TVP23A: variants seen among roughly 807,000 people sequenced by gnomAD.
TVP23A encodes the protein trans-golgi network vesicle protein 23 homolog A.
In TVP23A, 21 loss-of-function variants were observed where a neutral mutation model predicts 31.7. The ratio of observed to expected loss-of-function variants is 0.66; its 90% CI spans 0.47 to 0.95. The LOEUF (loss-of-function observed/expected upper bound fraction) is 0.95. Among genes scored for constraint, TVP23A ranks in the 40% least tolerant of loss-of-function variants. TVP23A has a pLI of 0.00. For missense variants in TVP23A, 279 were observed against 255.6 expected, an observed-to-expected ratio of 1.09 and a Z score of -0.62; for synonymous variants, 104 against 96.0, an observed-to-expected ratio of 1.08 and a Z score of -0.49.
At chr16:10,783,352 A>G (rs951347656) in intron 2 of TVP23A, among the ~76,000 whole-genome samples, 2 of 152,204 alleles carry the variant, frequency 1.3e-5, no homozygotes, top group African/African-American at 4.8e-5. Flanking sequence ...AGCTTCATTC[A>G]TAATTGCCAA....
intron 2 of TVP23A, among the ~76,000 whole-genome samples, chr16:10,787,989 C>T (rs2032869099): frequency 6.6e-6 from 1 of 152,082 alleles, no homozygotes; most frequent in Admixed American, 6.6e-5. Flanking sequence ...ATATGAGAAC[C>T]GTGACCCATG....
intron 2 of TVP23A, among the ~76,000 whole-genome samples, chr16:10,817,187 G>C (rs1374430456): frequency 1.3e-5 from 2 of 152,232 alleles, no homozygotes; most frequent in Non-Finnish European, 2.9e-5. Flanking sequence ...AACTGCAGGA[G>C]AATAAACTTC....
intron 2 of TVP23A, among the ~76,000 whole-genome samples, chr16:10,794,316 T>C (rs1397166689): frequency 1.3e-5 from 2 of 152,228 alleles, no homozygotes; most frequent in African/African-American, 4.8e-5. Context: ...TTCCAATCTC[T>C]GCCTCTCCCT....
chr16:10,763,997 AAGGAGCATCTCAGCCCAC>A (rs749063615), downstream of TVP23A, among the ~76,000 whole-genome samples: 6 of 149,502 alleles, frequency 4.0e-5, no homozygotes, highest in Non-Finnish European at 7.5e-5. Context: ...TCCCAACTCA[AAGGAGCATCTCAGCCCAC>A]AGGAGTACCT....
chr16:10,792,738 T>C (rs2033173255), intron 2 of TVP23A, among the ~76,000 whole-genome samples: 1 of 152,216 alleles, frequency 6.6e-6, no homozygotes, highest in Non-Finnish European at 1.5e-5. Context: ...CTAGATGCAA[T>C]GTTAGCTCCA....
intron 2 of TVP23A, among the ~76,000 whole-genome samples, chr16:10,783,278 G>C (rs1303210597): frequency 6.6e-6 from 1 of 152,184 alleles, no homozygotes; most frequent in Non-Finnish European, 1.5e-5. Flanking sequence ...ACAATCCCCA[G>C]GGTTTACCGA....
intron 2 of TVP23A, among the ~76,000 whole-genome samples, chr16:10,796,493 C>T (rs2033395771): frequency 6.6e-6 from 1 of 152,106 alleles, no homozygotes; most frequent in Non-Finnish European, 1.5e-5. Flanking sequence ...AGTGCAGTGG[C>T]ACGGTCTCAG....
At position 10,777,188 on chromosome 16, in the gene TVP23A, A is replaced by G. The variant is rs1425023785; in HGVS notation, c.90-2092T>C. Among the ~76,000 whole-genome samples the G allele has an allele frequency of 2.0e-5, 3 of 152,046 alleles. No individual in the cohort carries two copies. Among genetic ancestry groups the G allele is most frequent in the African/African-American group, 4.8e-5 (2 of 41,388 alleles). On this transcript the variant is annotated intron_variant, in intron 2 of 7. Transcript: ENST00000299866. The surrounding 1 kb of genome is among the most constrained non-coding windows in gnomAD (Gnocchi z 4.5). ...CAGGGCAGGGGAGGAAAAGGGAGGG[A>G]TGAAAGGGACTCTTCCCAGCACCAG... is the stretch of plus-strand genomic sequence containing the variant.
intron 2 of TVP23A, among the ~76,000 whole-genome samples, chr16:10,786,144 G>A (rs1009104866): frequency 6.6e-6 from 1 of 152,198 alleles, no homozygotes. Context: ...AGAATGGGAG[G>A]CAGGTTGGCC....
Position 10,779,967 on chromosome 16 carries a change from A to T in TVP23A, c.90-4871T>A, listed in dbSNP as rs953502180. On this transcript the variant is annotated intron_variant, in intron 2 of 7. Coordinates refer to ENST00000299866, the MANE Select transcript of TVP23A (RefSeq NM_001079512.4). The surrounding 1 kb of genome is among the most constrained non-coding windows in gnomAD (Gnocchi z 4.9). ...AGCGGGTGTGGTGGTGCACGCCTATAATTCCAGCTACTCGGGAGGCTGAGG... is the reference window on the plus strand; with the variant it reads ...AGCGGGTGTGGTGGTGCACGCCTATTATTCCAGCTACTCGGGAGGCTGAGG... 8.7e-4 allele frequency among the ~76,000 whole-genome samples: 132 copies of T among 152,250 alleles called. No individual in the cohort carries two copies. Among genetic ancestry groups the T allele is most frequent in the African/African-American group, 3.1e-3 (127 of 41,554 alleles).
At position 10,808,937 on chromosome 16, in the gene TVP23A, C is replaced by T. The variant is rs112887154; in HGVS notation, c.89+9166G>A. Among the ~76,000 whole-genome samples the T allele has an allele frequency of 4.8e-3, 727 of 152,270 alleles. 6 individuals are homozygous for T. The highest frequency in any genetic ancestry group is 0.016 in the African/African-American group (676 of 41,546). On this transcript the variant is annotated intron_variant, in intron 2 of 7. Coordinates refer to ENST00000299866, the MANE Select transcript of TVP23A (RefSeq NM_001079512.4). ...CATGGAAGCCCATGACCTTTGGGTTCGGAGGAATTCTGTGAAAACAGTGCC... is the reference window on the plus strand; with the variant it reads ...CATGGAAGCCCATGACCTTTGGGTTTGGAGGAATTCTGTGAAAACAGTGCC...
chr16:10,760,325 CTTTA>C (rs946239441), downstream of TVP23A, among the ~76,000 whole-genome samples: 2 of 152,202 alleles, frequency 1.3e-5, no homozygotes, highest in Non-Finnish European at 2.9e-5. Context: ...TCCGGAGGAA[CTTTA>C]TTTATAAAAC....
At chr16:10,761,180 G>T, downstream of TVP23A, 3 of 528,998 alleles carry the variant, frequency 5.7e-6, no homozygotes, top group South Asian at 4.0e-5. Flanking sequence ...GGGATGTAGG[G>T]ATGATGGGGA....
At chr16:10,805,786 C>T (rs1254826060) in intron 2 of TVP23A, among the ~76,000 whole-genome samples, 3 of 151,940 alleles carry the variant, frequency 2.0e-5, no homozygotes, top group Non-Finnish European at 4.4e-5. Context: ...ATCTGGTTTT[C>T]TCTGTGGTCC....
chr16:10,797,751 T>C (rs1472959771), intron 2 of TVP23A, among the ~76,000 whole-genome samples: 2 of 151,936 alleles, frequency 1.3e-5, no homozygotes, highest in African/African-American at 4.8e-5. Context: ...CTCTTAGGGA[T>C]ATCAAAATAT....
At chr16:10,757,757 G>C (rs1286455648), downstream of TVP23A, 4 of 1,340,126 alleles carry the variant, frequency 3.0e-6, no homozygotes, top group East Asian at 9.4e-5. This position sits in a 1 kb window ranked among gnomAD's most constrained non-coding sequence, Gnocchi z 4.1. Flanking sequence ...GAGCCTCAGA[G>C]TTAAGAGCCA....
At chr16:10,788,591 G>A (rs1477826524) in intron 2 of TVP23A, among the ~76,000 whole-genome samples, 5 of 152,284 alleles carry the variant, frequency 3.3e-5, no homozygotes, top group South Asian at 4.1e-4. Flanking sequence ...ATAAAGGTGG[G>A]AGCCAGGGGG....
In TVP23A at chr16:10,777,543, C is replaced by T. The variant is rs1157649992; in HGVS notation, c.90-2447G>A. Among the ~76,000 whole-genome samples, 1 of 152,126 alleles carries T rather than the reference C, an allele frequency of 6.6e-6. No individual in the cohort carries two copies. Among genetic ancestry groups the T allele is most frequent in the East Asian group, 1.9e-4 (1 of 5,188 alleles). ...CACAGGTGCCTCTACAACTGTGGGG[C>T]TTCCGACTCCCAGGGGAATGTTAAG... On this transcript the variant is annotated intron_variant, in intron 2 of 7. Coordinates refer to ENST00000299866, the MANE Select transcript of TVP23A (RefSeq NM_001079512.4). This position sits in a 1 kb window ranked among gnomAD's most constrained non-coding sequence, Gnocchi z 4.5.
At chr16:10,761,796 G>C, downstream of TVP23A, 1 of 1,614,086 alleles carries the variant, frequency 6.2e-7, no homozygotes, top group South Asian at 1.1e-5. Context: ...CGGGGGCGCG[G>C]AGCTCATGTG....
Sources: allele counts gnomAD v4.1 joint callset (sites outside exome capture counted in the v4.1 genomes callset), GRCh38; gene constraint gnomAD v4.1.1; non-coding constraint Gnocchi (gnomAD v3.1); transcripts MANE v1.5; gene names NCBI Gene and HGNC (gene_info 2026-07-23, HGNC 2026-07-21).